The following SYT7 variants were observed in gnomAD, a reference collection of about 807,000 sequenced individuals.
SYT7 encodes synaptotagmin-7.
Under a neutral mutation model 75.1 loss-of-function variants are expected in SYT7, and 29 were observed. That is an observed-to-expected ratio of 0.39 (90% CI 0.29 to 0.53). The LOEUF (loss-of-function observed/expected upper bound fraction) is 0.53, where lower values mean the gene tolerates loss of function less well. Among genes scored for constraint, SYT7 ranks in the 20% least tolerant of loss-of-function variants. The pLI, the probability that SYT7 is intolerant of heterozygous loss-of-function variation, is 0.77. For synonymous variants in SYT7, 376 were observed against 401.7 expected (o/e 0.94, Z 0.76); for missense variants, 693 against 953.2 (o/e 0.73, Z 3.59).
At chr11:61,565,071 C>T (rs951972931) in intron 1 of SYT7, among the ~76,000 whole-genome samples, 4 of 152,150 alleles carry the variant, frequency 2.6e-5, no homozygotes, top group African/African-American at 9.7e-5. Context: ...CTACATCTGC[C>T]AGCACGTCCC....
At chr11:61,564,081 T>C (rs1266679918) in intron 1 of SYT7, among the ~76,000 whole-genome samples, 4 of 152,086 alleles carry the variant, frequency 2.6e-5, no homozygotes, top group African/African-American at 9.7e-5. Context: ...TTCTTGGGGA[T>C]AGACTTGACC....
chr11:61,556,062 A>C, intron 2 of SYT7, 42 bp downstream of exon 2: 1 of 1,547,462 alleles, frequency 6.5e-7, no homozygotes, highest in Non-Finnish European at 8.9e-7. Context: ...GGCAGTGTGC[A>C]GGGCTAGGCA....
chr11:61,562,174 C>G (rs1422719540), intron 1 of SYT7, among the ~76,000 whole-genome samples: 1 of 152,158 alleles, frequency 6.6e-6, no homozygotes, highest in Admixed American at 6.5e-5. Context: ...ATGAAAAGAC[C>G]TCCTCCAGGA....
At chr11:61,519,322 C>T (rs571581691) in intron 12 of SYT7, among the ~76,000 whole-genome samples, 5 of 152,258 alleles carry the variant, frequency 3.3e-5, no homozygotes, top group Non-Finnish European at 7.3e-5. Flanking sequence ...AATCCTGCTT[C>T]GCAGCCTCAC....
chr11:61,523,903 G>A lies in SYT7; in HGVS notation c.1680C>T (p.Asn560=), dbSNP rs1185128435. The A allele has an allele frequency of 3.7e-6, 6 of 1,613,974 alleles. No homozygotes were observed. The highest frequency in any genetic ancestry group is 5.1e-6 in the Non-Finnish European group (6 of 1,179,980). ...TCACGATGATGGAGTTGGCAGAGGG[G>A]TTGTAGCAGAGAGACAAGAGCAGCT... is the stretch of plus-strand genomic sequence containing the variant. ...RGELLLSLCY[N]PSANSIIVNI... is the part of the protein sequence containing the mutation. The change falls in exon 11 of 13, where the codon AAC becomes AAT. Residue 560 remains asparagine, a synonymous_variant. Coordinates refer to ENST00000539008, the MANE Select transcript of SYT7 (RefSeq NM_001365809.2). This position sits in a 1 kb window ranked among gnomAD's most constrained non-coding sequence, Gnocchi z 5.0.
intron 12 of SYT7, 91 bp from the exon 13 acceptor site, chr11:61,518,822 T>C: frequency 1.1e-6 from 1 of 884,948 alleles, no homozygotes; most frequent in Non-Finnish European, 1.6e-6. Context: ...TCCACCATGA[T>C]ACCCTAGCCT....
intron 1 of SYT7, among the ~76,000 whole-genome samples, chr11:61,565,443 G>C (rs572457588): frequency 6.6e-6 from 1 of 152,290 alleles, no homozygotes; most frequent in East Asian, 1.9e-4. Context: ...GCTAAACCCT[G>C]CACCCCAGAC....
intron 2 of SYT7, among the ~76,000 whole-genome samples, chr11:61,552,629 T>C (rs910236931): frequency 2.0e-5 from 3 of 152,198 alleles, no homozygotes; most frequent in African/African-American, 4.8e-5. Flanking sequence ...GTCACAGCCA[T>C]GCTCCCTGAT....
chr11:61,520,726 G>C (rs1197848573), intron 12 of SYT7, among the ~76,000 whole-genome samples: 2 of 152,190 alleles, frequency 1.3e-5, no homozygotes, highest in Non-Finnish European at 2.9e-5. Context: ...GGGAGGCTGA[G>C]GCAGGAGAAT....
At chr11:61,529,661 G>T (rs188640662) in intron 8 of SYT7, among the ~76,000 whole-genome samples, 12 of 152,258 alleles carry the variant, frequency 7.9e-5, no homozygotes, top group African/African-American at 1.7e-4. Flanking sequence ...TTGAGCCAGG[G>T]TCTCGCTCTG....
chr11:61,538,320 C>A, intron 6 of SYT7, 54 bp from the exon 7 acceptor site: 1 of 929,348 alleles, frequency 1.1e-6, no homozygotes, highest in Non-Finnish European at 1.3e-6. Flanking sequence ...GCCCCGTGGG[C>A]GGGGGCAGGG....
At chr11:61,538,346 GGAGAGAGAGAGAGA>G (rs58071370) in intron 6 of SYT7, 80 bp from the exon 7 acceptor site, 23 of 203,290 alleles carry the variant, frequency 1.1e-4, no homozygotes, top group African/African-American at 3.2e-4. Flanking sequence ...GGAGAGAGAG[GGAGAGAGAGAGAGA>G]GAGAGAGAGA....
intron 9 of SYT7, among the ~76,000 whole-genome samples, chr11:61,527,150 A>G (rs1362947476): frequency 6.6e-6 from 1 of 152,158 alleles, no homozygotes; most frequent in Non-Finnish European, 1.5e-5. Flanking sequence ...CAGGAGAGAG[A>G]AAGGACATTT....
intron 12 of SYT7, among the ~76,000 whole-genome samples, chr11:61,519,567 G>A (rs968702495): frequency 2.0e-5 from 3 of 152,234 alleles, no homozygotes; most frequent in African/African-American, 7.2e-5. Context: ...TAAATGCAAT[G>A]TGGTGTCCTG....
chr11:61,518,834 T>A, intron 12 of SYT7, 103 bp from the exon 13 acceptor site: 1 of 776,526 alleles, frequency 1.3e-6, no homozygotes, highest in Non-Finnish European at 1.9e-6. Flanking sequence ...CCCTAGCCTG[T>A]GGCCCCCCAG....
chr11:61,540,487 C>G, intron 6 of SYT7: 3 of 982,600 alleles, frequency 3.1e-6, no homozygotes, highest in Non-Finnish European at 3.6e-6. Flanking sequence ...TTATCTGGAC[C>G]TTTCTAGGAA....
At chr11:61,575,601 G>A (rs75389917) in intron 1 of SYT7, among the ~76,000 whole-genome samples, 6,633 of 152,264 alleles carry the variant, frequency 0.044, 244 homozygotes, top group African/African-American at 0.099. Context: ...CCGAGCAGAC[G>A]AGGCCTTCAT....
chr11:61,563,552 T>G (rs184103377), intron 1 of SYT7, among the ~76,000 whole-genome samples: 10 of 152,276 alleles, frequency 6.6e-5, no homozygotes, highest in Admixed American at 3.3e-4. Flanking sequence ...GCCCATCCTT[T>G]CCTGCCCAGC....
At chr11:61,585,617 C>T (rs2135497184), upstream of SYT7, among the ~76,000 whole-genome samples, 1 of 152,272 alleles carries the variant, frequency 6.6e-6, no homozygotes, top group East Asian at 1.9e-4. Flanking sequence ...TGAGAGCAAA[C>T]TACTAGGAGG....
Sources: gnomAD v4.1 joint callset for allele counts (sites outside exome capture counted in the v4.1 genomes callset) on GRCh38, gnomAD v4.1.1 for gene constraint, Gnocchi (gnomAD v3.1) non-coding constraint, MANE v1.5 for transcripts, NCBI Gene and HGNC (gene_info 2026-07-23, HGNC 2026-07-21) for gene names.